Variants in FUT8 observed in about 807,000 individuals in gnomAD.
FUT8 encodes fucosyltransferase 8, also known as alpha-(1,6)-fucosyltransferase.
Under a neutral mutation model 71.3 loss-of-function variants are expected in FUT8, and 29 were observed. The ratio of observed to expected loss-of-function variants is 0.41; its 90% CI spans 0.30 to 0.55. The LOEUF is 0.55. FUT8 is among the 20% of genes least tolerant of loss of function. The pLI is 0.34. For missense variants in FUT8, 544 were observed against 702.1 expected, an observed-to-expected ratio of 0.77 and a Z score of 2.55; for synonymous variants, 254 against 239.3, an observed-to-expected ratio of 1.06 and a Z score of -0.57.
At chr14:65,671,262 G>A (rs1892465443) in intron 7 of FUT8, among the ~76,000 whole-genome samples, 1 of 152,110 alleles carries the variant, frequency 6.6e-6, no homozygotes, top group Non-Finnish European at 1.5e-5. Flanking sequence ...GTTTAGCCCT[G>A]CCCGTGTGCT....
chr14:65,459,459 G>C (rs1172204835), intron 2 of FUT8, among the ~76,000 whole-genome samples: 2 of 152,028 alleles, frequency 1.3e-5, no homozygotes, highest in African/African-American at 4.8e-5. Context: ...GTCTTGTACC[G>C]TTTAAATGGT....
rs1208259390 is a variant in FUT8, at chr14:65,561,531, A to G, written c.-33A>G. On this transcript the variant is annotated 5_prime_UTR_variant, in exon 3 of 11. Coordinates refer to ENST00000673929, the MANE Select transcript of FUT8 (RefSeq NM_001371533.1). ...CAATGTTTTCAATTCTTTGAGCTCC[A>G]GGACTCCAGGGAAGTGAGTTGAAAA... 57 of 1,601,058 alleles carry G rather than the reference A, an allele frequency of 3.6e-5. No homozygotes were observed. The highest frequency in any genetic ancestry group is 4.7e-5 in the Non-Finnish European group (55 of 1,169,246).
intron 2 of FUT8, among the ~76,000 whole-genome samples, chr14:65,470,214 C>T (rs1360577884): frequency 6.6e-6 from 1 of 152,228 alleles, no homozygotes; most frequent in Non-Finnish European, 1.5e-5. Flanking sequence ...ACATTGGAGC[C>T]GGTGCGGGAA....
intron 6 of FUT8, among the ~76,000 whole-genome samples, chr14:65,635,067 C>T (rs530331727): frequency 6.6e-6 from 1 of 152,064 alleles, no homozygotes; most frequent in East Asian, 1.9e-4. Flanking sequence ...AGGTATATTC[C>T]TAAGTATTTT....
intron 5 of FUT8, among the ~76,000 whole-genome samples, chr14:65,623,399 G>T (rs1182914483): frequency 1.3e-5 from 2 of 152,000 alleles, no homozygotes; most frequent in Non-Finnish European, 2.9e-5. Context: ...CCTGTCATAG[G>T]TGGCTTGCTT....
the FUT8 span, among the ~76,000 whole-genome samples, chr14:65,377,190 G>A: frequency 6.6e-6 from 1 of 152,136 alleles, no homozygotes; most frequent in Non-Finnish European, 1.5e-5. Context: ...TGCTGCAGCA[G>A]ACAATATGAA....
At chr14:65,586,097 T>C (rs1301146648) in intron 3 of FUT8, among the ~76,000 whole-genome samples, 1 of 152,194 alleles carries the variant, frequency 6.6e-6, no homozygotes, top group Non-Finnish European at 1.5e-5. Context: ...AAAGACACTT[T>C]CCCTGAAAAG....
intron 6 of FUT8, among the ~76,000 whole-genome samples, chr14:65,662,355 C>T (rs1004074112): frequency 5.3e-5 from 8 of 152,028 alleles, no homozygotes; most frequent in Non-Finnish European, 1.0e-4. Context: ...CACTGCACTC[C>T]GGCCTGAGCA....
intron 7 of FUT8, among the ~76,000 whole-genome samples, chr14:65,680,627 C>T (rs1465613040): frequency 6.6e-6 from 1 of 152,196 alleles, no homozygotes; most frequent in Non-Finnish European, 1.5e-5. Flanking sequence ...GTACATATGC[C>T]TAGAAGTGGT....
At chr14:65,650,124 G>A (rs568239994) in intron 6 of FUT8, among the ~76,000 whole-genome samples, 103 of 151,708 alleles carry the variant, frequency 6.8e-4, no homozygotes, top group Middle Eastern at 6.8e-3. Flanking sequence ...GTGAAACCCC[G>A]TCTCTACTAA....
the FUT8 span, among the ~76,000 whole-genome samples, chr14:65,383,619 C>T: frequency 6.6e-6 from 1 of 152,154 alleles, no homozygotes; most frequent in African/African-American, 2.4e-5. Flanking sequence ...CATAGTAAGG[C>T]CCTCATTATC....
intron 2 of FUT8, chr14:65,468,271 A>G (rs1296647289): frequency 6.4e-6 from 4 of 624,252 alleles, no homozygotes; most frequent in Non-Finnish European, 1.2e-5. Flanking sequence ...GGCCAAAGGA[A>G]CAACTCCATG....
At chr14:65,512,448 A>C (rs1376281396) in intron 2 of FUT8, among the ~76,000 whole-genome samples, 1 of 152,192 alleles carries the variant, frequency 6.6e-6, no homozygotes, top group African/African-American at 2.4e-5. Flanking sequence ...TATAGGCATA[A>C]GCCTTCGTGC....
At chr14:65,663,753 A>G (rs773464450) in intron 6 of FUT8, among the ~76,000 whole-genome samples, 24 of 152,144 alleles carry the variant, frequency 1.6e-4, no homozygotes, top group Non-Finnish European at 3.2e-4. Context: ...TTTGAGATAT[A>G]CTAAGCATCA....
chr14:65,362,982 A>G, the FUT8 span, among the ~76,000 whole-genome samples: 3 of 137,384 alleles, frequency 2.2e-5, no homozygotes, highest in East Asian at 2.2e-4. Context: ...AAAAAAAAAA[A>G]AGAGAAGAAA....
At chr14:65,724,996 C>T (rs945958023) in intron 9 of FUT8, among the ~76,000 whole-genome samples, 4 of 152,060 alleles carry the variant, frequency 2.6e-5, no homozygotes, top group African/African-American at 9.7e-5. Flanking sequence ...AACGTTCAGT[C>T]GATAACACTA....
the FUT8 span, among the ~76,000 whole-genome samples, chr14:65,393,014 T>C: frequency 2.0e-5 from 3 of 152,206 alleles, no homozygotes; most frequent in African/African-American, 7.2e-5. Context: ...TGTTAGCGGC[T>C]ACAGACTAGG....
chr14:65,468,133 G>A (rs760007382), intron 2 of FUT8: 55 of 637,214 alleles, frequency 8.6e-5, no homozygotes, highest in Non-Finnish European at 1.5e-4. Flanking sequence ...AGTGCCAACA[G>A]CATGTTGGGT....
At chr14:65,520,324 C>T (rs1882994795) in intron 2 of FUT8, among the ~76,000 whole-genome samples, 1 of 151,956 alleles carries the variant, frequency 6.6e-6, no homozygotes, top group Non-Finnish European at 1.5e-5. Flanking sequence ...GGTTGAACTG[C>T]ACTTTTAATC....
Sources: gnomAD v4.1 joint callset for allele counts (sites outside exome capture counted in the v4.1 genomes callset) on GRCh38, gnomAD v4.1.1 for gene constraint, MANE v1.5 for transcripts, NCBI Gene and HGNC (gene_info 2026-07-23, HGNC 2026-07-21) for gene names.